Variants in MICAL3 observed in about 807,000 individuals in gnomAD.
MICAL3 encodes [F-actin]-monooxygenase MICAL3.
Under a neutral mutation model 207.4 loss-of-function variants are expected in MICAL3, and 62 were observed. That is an observed-to-expected ratio of 0.30 (90% CI 0.24 to 0.37). The LOEUF is 0.37. Ranked by LOEUF, MICAL3 falls within the 10% of genes least tolerant of loss-of-function variation. MICAL3 has a pLI of 1.00. For synonymous variants in MICAL3, 1,077 were observed against 1,069.3 expected (o/e 1.01, Z -0.14); for missense variants, 2,368 against 2,635.6 (o/e 0.90, Z 2.22).
In MICAL3 at chr22:17,925,885, G is replaced by A. The variant is rs538241360; in HGVS notation, c.-74-18999C>T. The stretch of plus-strand genomic sequence containing the variant: ...GCATTGTCCCTTCCTCCTGACAGCT[G>A]GGTGCTTTCAAAAATACTGTACAAA... On this transcript the variant is annotated intron_variant, in intron 1 of 31. Transcript: ENST00000441493. Among the ~76,000 whole-genome samples the A allele has an allele frequency of 3.9e-5, 6 of 152,230 alleles. 1 individual carries two copies. In the South Asian group the frequency reaches 1.2e-3, roughly 32 times the overall value.
At chr22:17,831,817 G>T (rs1602000657) in intron 21 of MICAL3, 37 bp downstream of exon 21, 1 of 1,539,914 alleles carries the variant, frequency 6.5e-7, no homozygotes. Flanking sequence ...CACTTTGGGG[G>T]GCAGGGCAGA....
At chr22:18,013,146 C>A (rs1164755411) in intron 1 of MICAL3, among the ~76,000 whole-genome samples, 2 of 152,206 alleles carry the variant, frequency 1.3e-5, no homozygotes, top group Admixed American at 6.5e-5. Context: ...AGTCAAGAAT[C>A]CCCTGAAGAA....
intron 1 of MICAL3, among the ~76,000 whole-genome samples, chr22:17,921,478 G>A (rs1932798687): frequency 6.6e-6 from 1 of 152,146 alleles, no homozygotes; most frequent in South Asian, 2.1e-4. Context: ...GACTAGCACA[G>A]CTGCCTCTTA....
chr22:17,910,393 A>G (rs946965818), intron 1 of MICAL3, among the ~76,000 whole-genome samples: 14 of 152,224 alleles, frequency 9.2e-5, no homozygotes, highest in African/African-American at 3.1e-4. Context: ...ACTACAGAGG[A>G]ACGGCTTCAC....
At chr22:17,802,488 C>G (rs1343088588) in intron 29 of MICAL3, among the ~76,000 whole-genome samples, 2 of 152,134 alleles carry the variant, frequency 1.3e-5, no homozygotes, top group African/African-American at 4.8e-5. Context: ...CACCAGTGGT[C>G]GTTGAGTGTG....
chr22:17,889,672 C>T (rs745632986), intron 12 of MICAL3, among the ~76,000 whole-genome samples: 16 of 151,978 alleles, frequency 1.1e-4, no homozygotes, highest in East Asian at 3.9e-4. Flanking sequence ...CTAGGCATGG[C>T]GGCATATGCC....
At chr22:17,879,471 G>A in intron 16 of MICAL3, 1 of 1,293,476 alleles carries the variant, frequency 7.7e-7, no homozygotes, top group Non-Finnish European at 1.1e-6. Flanking sequence ...AAACGACAGT[G>A]GGAAATTCAG....
chr22:17,826,443 C>A, intron 22 of MICAL3: 1 of 985,776 alleles, frequency 1.0e-6, no homozygotes, highest in Non-Finnish European at 1.2e-6. Context: ...GAGTGAACAT[C>A]ACCAGACTAC....
intron 19 of MICAL3, among the ~76,000 whole-genome samples, chr22:17,851,768 G>A (rs1045359036): frequency 9.2e-5 from 14 of 152,196 alleles, no homozygotes; most frequent in African/African-American, 2.4e-4. Context: ...TGACGAAGAC[G>A]CCAATGGCAC....
At chr22:18,021,294 C>A (rs921916321) in intron 1 of MICAL3, among the ~76,000 whole-genome samples, 3 of 152,208 alleles carry the variant, frequency 2.0e-5, no homozygotes, top group African/African-American at 7.2e-5. Flanking sequence ...GCTGGCCTGC[C>A]CTGTCTCGTG....
chr22:18,024,419 C>T lies in MICAL3; in HGVS notation c.-213G>A, dbSNP rs1173521839. 1.3e-5 allele frequency: 2 copies of T among 152,194 alleles called. No homozygotes were observed. The highest frequency in any genetic ancestry group is 2.9e-5 in the Non-Finnish European group (2 of 68,054). 9.4% of individuals were successfully genotyped at this position (152,194 alleles called of 1,614,324 possible). On this transcript the variant is annotated 5_prime_UTR_variant, in exon 1 of 32. Transcript: ENST00000441493. ...AGCTGCGATCCCGCCCAGTTAGCCT[C>T]GGGGGCTGCACAGCCCAGCCCCCTC... is the stretch of plus-strand genomic sequence containing the variant.
At chr22:17,875,969 C>T (rs576579852) in intron 16 of MICAL3, among the ~76,000 whole-genome samples, 1 of 152,228 alleles carries the variant, frequency 6.6e-6, no homozygotes, top group Non-Finnish European at 1.5e-5. Flanking sequence ...TCCCGCCACC[C>T]TATCACTCCA....
In MICAL3 at chr22:17,822,166, C is replaced by A. The variant is rs775251130; in HGVS notation, c.3312G>T (p.Gln1104His). 1 of 1,613,364 alleles carries A rather than the reference C, an allele frequency of 6.2e-7. No homozygotes were observed. The highest frequency in any genetic ancestry group is 1.7e-5 in the Admixed American group (1 of 59,970). ...GDTGAELDDD[Q>H]HWSDSPSDAD... ...CATCCGACGGGCTGTCAGACCAGTG[C>A]TGATCTGGCAGAGGGAAGGGGCAGA... is the stretch of plus-strand genomic sequence containing the variant. The change falls in exon 24 of 32, where the codon CAG becomes CAT. Residue 1104 changes from glutamine to histidine, a missense_variant. This residue lies in a region of MICAL3 where 1,770 missense variants were observed against 1,863.2 expected (regional missense o/e 0.95). Transcript: ENST00000441493.
intron 1 of MICAL3, among the ~76,000 whole-genome samples, chr22:17,999,099 C>T (rs913719976): frequency 6.6e-6 from 1 of 152,178 alleles, no homozygotes; most frequent in Non-Finnish European, 1.5e-5. Context: ...TCCCAGAAGC[C>T]AGTGCCAGGA....
At chr22:17,797,035 G>A (rs1483395769) in intron 29 of MICAL3, among the ~76,000 whole-genome samples, 4 of 152,038 alleles carry the variant, frequency 2.6e-5, no homozygotes, top group Admixed American at 2.0e-4. Context: ...GAAGACACCC[G>A]GGCAGCTGGA....
chr22:17,962,391 T>C (rs1359076707), intron 1 of MICAL3, among the ~76,000 whole-genome samples: 1 of 151,442 alleles, frequency 6.6e-6, no homozygotes, highest in Non-Finnish European at 1.5e-5. Flanking sequence ...TGGGCAGAGG[T>C]AGAGAAGCAG....
intron 1 of MICAL3, among the ~76,000 whole-genome samples, chr22:17,907,626 G>T (rs138014101): frequency 9.3e-4 from 141 of 152,308 alleles, no homozygotes; most frequent in Non-Finnish European, 3.4e-4. Flanking sequence ...ATCACGAAAG[G>T]AGAGTGCACA....
rs770695467 is a variant in MICAL3, at chr22:17,827,768, C to T, written c.3069G>A (p.Arg1023=). Residue 1023 remains arginine (R), a synonymous_variant, in exon 22 of 32, where the codon AGG becomes AGA. Transcript: ENST00000441493. ...EEESSEAGNQ[R]LQQVMHAADP... ...CCGCCGCGTGCATGACCTGCTGGAG[C>T]CTCTGGTTCCCGGCTAGTGTCCCAG... The T allele has an allele frequency of 6.5e-7, 1 of 1,550,068 alleles. No individual in the cohort carries two copies. The highest frequency in any genetic ancestry group is 1.2e-5 in the South Asian group (1 of 84,030).
chr22:17,898,947 C>T (rs559208770), intron 7 of MICAL3, among the ~76,000 whole-genome samples: 32 of 152,192 alleles, frequency 2.1e-4, no homozygotes, highest in Non-Finnish European at 4.4e-4. Flanking sequence ...CCTCATCAGG[C>T]TCCCATAAAC....
Sources: allele counts gnomAD v4.1 joint callset (sites outside exome capture counted in the v4.1 genomes callset), GRCh38; gene constraint gnomAD v4.1.1; regional missense constraint gnomAD v4.1.1; transcripts MANE v1.5; gene names NCBI Gene and HGNC (gene_info 2026-07-23, HGNC 2026-07-21).